Variants in HSPA12A observed in about 807,000 individuals in gnomAD.
The protein encoded by HSPA12A is heat shock protein family A (Hsp70) member 12A.
HSPA12A carries 28 observed loss-of-function variants against 69.2 expected under a neutral mutation model. The observed-to-expected ratio is 0.40, with a 90% CI of 0.30 to 0.55. The LOEUF (loss-of-function observed/expected upper bound fraction) is 0.55, where lower values mean the gene tolerates loss of function less well. Ranked by LOEUF, HSPA12A falls within the 20% of genes least tolerant of loss-of-function variation. The probability of loss-of-function intolerance (pLI) is 0.38; values close to 1 mark genes in which losing one functional copy is unlikely to be tolerated. For missense variants in HSPA12A, 686 were observed against 900.7 expected, an observed-to-expected ratio of 0.76 and a Z score of 3.05; for synonymous variants, 345 against 370.5, an observed-to-expected ratio of 0.93 and a Z score of 0.79.
At chr10:116,844,007 A>C (rs1845842783) in intron 1 of HSPA12A, among the ~76,000 whole-genome samples, 1 of 152,354 alleles carries the variant, frequency 6.6e-6, no homozygotes, top group East Asian at 1.9e-4. Flanking sequence ...TCTTTCTTCA[A>C]GACCTCCAAG....
intron 1 of HSPA12A, among the ~76,000 whole-genome samples, chr10:116,724,847 G>C (rs750361316): frequency 1.4e-4 from 21 of 152,126 alleles, no homozygotes; most frequent in Non-Finnish European, 2.9e-4. Context: ...GTCTTTGCCT[G>C]CTCCTCAGTC....
At chr10:116,783,335 T>A (rs536906833) in intron 2 of HSPA12A, among the ~76,000 whole-genome samples, 1 of 152,328 alleles carries the variant, frequency 6.6e-6, no homozygotes, top group African/African-American at 2.4e-5. Context: ...GAAGGTGGCC[T>A]GTGCCCTGGC....
intron 1 of HSPA12A, among the ~76,000 whole-genome samples, chr10:116,716,627 A>G (rs1242980516): frequency 6.6e-6 from 1 of 152,210 alleles, no homozygotes; most frequent in Non-Finnish European, 1.5e-5. Flanking sequence ...TAGAATCAGG[A>G]CGGCTTTGGA....
At chr10:116,776,260 G>A (rs1259049442) in intron 2 of HSPA12A, among the ~76,000 whole-genome samples, 1 of 152,284 alleles carries the variant, frequency 6.6e-6, no homozygotes, top group Non-Finnish European at 1.5e-5. Context: ...CCGCCTGGAC[G>A]CCCCCCTCTG....
chr10:116,769,244 A>G (rs920906325), intron 2 of HSPA12A, among the ~76,000 whole-genome samples: 8 of 152,298 alleles, frequency 5.3e-5, no homozygotes, highest in Non-Finnish European at 1.2e-4. Context: ...GCCCCCTCTT[A>G]GCAATCAGAC....
At chr10:116,749,862 G>T (rs1026383433) in intron 2 of HSPA12A, 1 of 154,510 alleles carries the variant, frequency 6.5e-6, no homozygotes, top group Non-Finnish European at 1.4e-5. Flanking sequence ...AAAGTTGTGG[G>T]CTCTATGTCT....
intron 2 of HSPA12A, among the ~76,000 whole-genome samples, chr10:116,803,659 C>T (rs1411516653): frequency 6.6e-6 from 1 of 152,166 alleles, no homozygotes; most frequent in East Asian, 1.9e-4. Context: ...TGGGAATGAT[C>T]GGAGCGTGAA....
At chr10:116,837,875 A>C (rs1845743562) in intron 1 of HSPA12A, among the ~76,000 whole-genome samples, 1 of 152,130 alleles carries the variant, frequency 6.6e-6, no homozygotes. Context: ...GAATATGAAG[A>C]ATTATGTTGA....
At chr10:116,742,266 G>A (rs1554887300) in intron 1 of HSPA12A, among the ~76,000 whole-genome samples, 164 bp downstream of exon 1, 1 of 151,694 alleles carries the variant, frequency 6.6e-6, no homozygotes, top group African/African-American at 2.4e-5. Context: ...CCCGGCCCCC[G>A]GCCCCGCTGC....
chr10:116,744,350 C>G (rs900667309), upstream of HSPA12A, among the ~76,000 whole-genome samples: 1 of 152,226 alleles, frequency 6.6e-6, no homozygotes. Context: ...GCCAGGGGGG[C>G]CCTCCTCAGT....
chr10:116,804,782 C>A lies in HSPA12A; in HGVS notation c.91+30153G>T, dbSNP rs1213826379. On this transcript the variant is annotated intron_variant, in intron 2 of 12. Coordinates refer to the HSPA12A transcript ENST00000635765. ...CCAGCCCATTTGCAGCTCCTATTTT[C>A]TTGGGGCTGGGAGAAAAATAATGAT... Among the ~76,000 whole-genome samples, 4 of 152,272 alleles carry A rather than the reference C, an allele frequency of 2.6e-5. No homozygotes were observed. In the East Asian group the frequency reaches 5.8e-4, roughly 22 times the overall value.
intron 2 of HSPA12A, among the ~76,000 whole-genome samples, chr10:116,813,440 G>A (rs1438585874): frequency 6.6e-6 from 1 of 151,714 alleles, no homozygotes; most frequent in African/African-American, 2.4e-5. Context: ...GTAGAGACAG[G>A]GTTTCACCGT....
At chr10:116,775,808 T>C (rs1316921817) in intron 2 of HSPA12A, among the ~76,000 whole-genome samples, 3 of 152,128 alleles carry the variant, frequency 2.0e-5, no homozygotes, top group Non-Finnish European at 4.4e-5. Flanking sequence ...GGCCTAATCC[T>C]GCAGCCCCTA....
intron 2 of HSPA12A, among the ~76,000 whole-genome samples, chr10:116,771,773 G>C (rs1844217355): frequency 6.8e-6 from 1 of 146,688 alleles, no homozygotes; most frequent in Admixed American, 6.8e-5. Context: ...AAGGGGCCCA[G>C]ATAGAAAGGC....
intron 1 of HSPA12A, among the ~76,000 whole-genome samples, chr10:116,726,378 A>G (rs1365975062): frequency 6.6e-6 from 1 of 150,962 alleles, no homozygotes; most frequent in Non-Finnish European, 1.5e-5. Context: ...TCAGCTGCTC[A>G]CTCTACCTCT....
At chr10:116,696,278 T>C (rs1302819624) in intron 5 of HSPA12A, among the ~76,000 whole-genome samples, 1 of 152,184 alleles carries the variant, frequency 6.6e-6, no homozygotes, top group Admixed American at 6.5e-5. Flanking sequence ...GGTGTGGCTG[T>C]ATGGTCCCCA....
chr10:116,822,350 T>G (rs1326595760), intron 2 of HSPA12A, among the ~76,000 whole-genome samples: 1 of 152,222 alleles, frequency 6.6e-6, no homozygotes, highest in East Asian at 1.9e-4. Context: ...AGAGAACAAC[T>G]GGCTGATGAA....
At chr10:116,824,345 C>T (rs2133201316) in intron 2 of HSPA12A, among the ~76,000 whole-genome samples, 1 of 152,320 alleles carries the variant, frequency 6.6e-6, no homozygotes, top group South Asian at 2.1e-4. Context: ...AACAGTTTAG[C>T]AGTTCCTCAA....
At chr10:116,726,012 G>GACAC (rs1277422010) in intron 1 of HSPA12A, among the ~76,000 whole-genome samples, 1 of 70,510 alleles carries the variant, frequency 1.4e-5, no homozygotes, top group African/African-American at 5.0e-5. Context: ...ACAAGGTTTA[G>GACAC]ACACACACAC....
Sources: gnomAD v4.1 joint callset for allele counts (sites outside exome capture counted in the v4.1 genomes callset) on GRCh38, gnomAD v4.1.1 for gene constraint, MANE v1.5 for transcripts, NCBI Gene and HGNC (gene_info 2026-07-23, HGNC 2026-07-21) for gene names.